Variants in GREB1L observed in about 807,000 individuals in gnomAD.
GREB1L encodes GREB1-like protein.
In GREB1L, 17 loss-of-function variants were observed where a neutral mutation model predicts 200.8. That is an observed-to-expected ratio of 0.08 (90% confidence interval 0.06 to 0.13). GREB1L has a LOEUF of 0.13. Ranked by LOEUF, GREB1L falls within the 10% of genes least tolerant of loss-of-function variation. The pLI, the probability that GREB1L is intolerant of heterozygous loss-of-function variation, is 1.00. For missense variants in GREB1L, 1,657 were observed against 2,367.7 expected (o/e 0.70, Z 6.23); for synonymous variants, 789 against 893.0 (o/e 0.88, Z 2.08).
chr18:21,359,961 TAGG>T (rs1402351385), intron 1 of GREB1L, among the ~76,000 whole-genome samples: 4 of 152,170 alleles, frequency 2.6e-5, no homozygotes, highest in Non-Finnish European at 4.4e-5. Context: ...AGTAATTTGG[TAGG>T]AGGGTTGTTT....
At chr18:21,339,512 T>G (rs1415261728) in intron 1 of GREB1L, among the ~76,000 whole-genome samples, 1 of 152,242 alleles carries the variant, frequency 6.6e-6, no homozygotes, top group Non-Finnish European at 1.5e-5. Context: ...TAGCTTAGCC[T>G]GAAAAGCATA....
intron 7 of GREB1L, among the ~76,000 whole-genome samples, chr18:21,426,007 G>A (rs2032536931): frequency 6.6e-6 from 1 of 151,150 alleles, no homozygotes; most frequent in East Asian, 1.9e-4. Flanking sequence ...GAGTGTTATA[G>A]CTATTAGCTA....
At chr18:21,255,470 A>G (rs947046211) in intron 1 of GREB1L, among the ~76,000 whole-genome samples, 2 of 152,214 alleles carry the variant, frequency 1.3e-5, no homozygotes, top group African/African-American at 4.8e-5. Flanking sequence ...CTTACAAAGC[A>G]TACCTATTAT....
rs1170242880 is a variant in GREB1L, at chr18:21,525,490, T to G, written c.*2669T>G. 4 of 152,160 alleles carry G rather than the reference T, an allele frequency of 2.6e-5. No homozygotes were observed. The highest frequency in any genetic ancestry group is 5.9e-5 in the Non-Finnish European group (4 of 68,020). The allele number at this position is 152,160 out of a possible 1,614,324, so 9.4% of individuals were successfully genotyped here. A position where few individuals can be genotyped will look rare whatever the true frequency, so the allele number is the denominator to read the frequency against. On this transcript the variant is annotated 3_prime_UTR_variant, in exon 33 of 33. Transcript: ENST00000424526. ...AACAAGCTCCCTGACTCTGGCAATGTCCTAAAAAGGCTGGAAGTCAGTCAC... is the reference window on the plus strand; with the variant it reads ...AACAAGCTCCCTGACTCTGGCAATGGCCTAAAAAGGCTGGAAGTCAGTCAC...
chr18:21,463,366 C>G (rs945026394), intron 15 of GREB1L, among the ~76,000 whole-genome samples: 1 of 151,534 alleles, frequency 6.6e-6, no homozygotes, highest in South Asian at 2.1e-4. Flanking sequence ...AGGATGGTCT[C>G]GATCTCCTGA....
chr18:21,425,368 C>T (rs2032481698), intron 7 of GREB1L, among the ~76,000 whole-genome samples: 1 of 152,212 alleles, frequency 6.6e-6, no homozygotes. Context: ...CATTTGTGCA[C>T]AGGTTTTTGG....
intron 15 of GREB1L, among the ~76,000 whole-genome samples, chr18:21,455,485 C>T (rs538850969): frequency 6.6e-6 from 1 of 152,018 alleles, no homozygotes; most frequent in Admixed American, 6.6e-5. Flanking sequence ...AGTTCAAGAC[C>T]AGCCTGGCCA....
At chr18:21,344,168 A>G (rs1391022948) in intron 1 of GREB1L, among the ~76,000 whole-genome samples, 1 of 152,128 alleles carries the variant, frequency 6.6e-6, no homozygotes, top group East Asian at 1.9e-4. Flanking sequence ...TTGGGAGGCC[A>G]AGGCGGGCGG....
chr18:21,408,086 T>C (rs911941348), intron 7 of GREB1L, among the ~76,000 whole-genome samples: 2 of 152,188 alleles, frequency 1.3e-5, no homozygotes, highest in Non-Finnish European at 2.9e-5. Flanking sequence ...CAATAATATA[T>C]ATTTTTAAAT....
At chr18:21,321,357 A>G (rs1394616647) in intron 1 of GREB1L, among the ~76,000 whole-genome samples, 1 of 151,912 alleles carries the variant, frequency 6.6e-6, no homozygotes, top group Non-Finnish European at 1.5e-5. Context: ...TCTTCCATCA[A>G]CAGATTGAAA....
chr18:21,500,157 A>G lies in GREB1L; in HGVS notation c.3820A>G (p.Lys1274Glu), dbSNP rs2036723630. 2 of 1,551,320 alleles carry G rather than the reference A, an allele frequency of 1.3e-6. No homozygotes were observed. The highest frequency in any genetic ancestry group is 2.7e-5 in the African/African-American group (2 of 73,044). ...WVSSLRPLLNKDMSSEEQSLY... is the reference protein window; with the variant it reads ...WVSSLRPLLNEDMSSEEQSLY... ...GAGCTCCCTGCGGCCACTCCTGAAC[A>G]AGGACATGAGCAGTGAGGAGCAGTC... The change falls in exon 22 of 33, where the codon AAG becomes GAG. Residue 1274 changes from lysine to glutamate, a missense_variant. Coordinates refer to ENST00000424526, the MANE Select transcript of GREB1L (RefSeq NM_001142966.3).
At chr18:21,263,568 T>A (rs2037921778) in intron 1 of GREB1L, among the ~76,000 whole-genome samples, 1 of 152,234 alleles carries the variant, frequency 6.6e-6, no homozygotes, top group Non-Finnish European at 1.5e-5. Context: ...GAATTTTCAA[T>A]GACTTAAGTT....
At chr18:21,432,117 G>T (rs2033202796) in intron 7 of GREB1L, among the ~76,000 whole-genome samples, 1 of 151,550 alleles carries the variant, frequency 6.6e-6, no homozygotes, top group Non-Finnish European at 1.5e-5. Flanking sequence ...TGGAGACAGG[G>T]TTTCACTATG....
intron 7 of GREB1L, among the ~76,000 whole-genome samples, chr18:21,421,263 T>G (rs1437973908): frequency 6.6e-6 from 1 of 152,232 alleles, no homozygotes; most frequent in Non-Finnish European, 1.5e-5. Context: ...ATGTGCAGTT[T>G]ATTGTCAATT....
chr18:21,482,243 T>C (rs1172552895), intron 17 of GREB1L, among the ~76,000 whole-genome samples: 1 of 152,096 alleles, frequency 6.6e-6, no homozygotes, highest in Non-Finnish European at 1.5e-5. Flanking sequence ...AAAAAAGAAG[T>C]TGAAAGAAGT....
chr18:21,508,619 A>G, intron 27 of GREB1L, 28 bp downstream of exon 27: 4 of 1,528,182 alleles, frequency 2.6e-6, no homozygotes, highest in Non-Finnish European at 3.5e-6. Flanking sequence ...GATGGGGAGA[A>G]GGGCTTCGAA....
rs377743272 is a variant in GREB1L at position 21,282,968 on chromosome 18, C to G, written c.-120+40575C>G. Among the ~76,000 whole-genome samples the G allele has an allele frequency of 6.5e-4, 99 of 152,296 alleles. No individual in the cohort carries two copies. The Middle Eastern group carries it at 0.014, about 21-fold the overall frequency. ...GGTACATGTATTGTACGTTAATTAC[C>G]TATTTTTCTATGAGCATTTTTGCTG... On this transcript the variant is annotated intron_variant, in intron 1 of 32. Coordinates refer to ENST00000424526, the MANE Select transcript of GREB1L (RefSeq NM_001142966.3).
At position 21,516,201 on chromosome 18, in the gene GREB1L, T is replaced by C. The variant is rs541991096; in HGVS notation, c.5130-412T>C. Among the ~76,000 whole-genome samples the C allele has an allele frequency of 1.4e-4, 22 of 152,260 alleles. No homozygotes were observed. The East Asian group carries it at 4.1e-3, about 28-fold the overall frequency. On this transcript the variant is annotated intron_variant, in intron 29 of 32. Coordinates refer to ENST00000424526, the MANE Select transcript of GREB1L (RefSeq NM_001142966.3). ...GGGCCAAGCAAGAAGGCAGGAACCA[T>C]AAAGTCCTTATGCCAAACTTACGGT...
chr18:21,243,187 T>C (rs2037533977), intron 1 of GREB1L, among the ~76,000 whole-genome samples: 1 of 151,678 alleles, frequency 6.6e-6, no homozygotes, highest in Non-Finnish European at 1.5e-5. Context: ...TTAAAGGAAA[T>C]CCATTCCCGC....
Sources: gnomAD v4.1 joint callset for allele counts (sites outside exome capture counted in the v4.1 genomes callset) on GRCh38, gnomAD v4.1.1 for gene constraint, MANE v1.5 for transcripts, NCBI Gene and HGNC (gene_info 2026-07-23, HGNC 2026-07-21) for gene names.